DENND1B: variants seen among roughly 807,000 people sequenced by gnomAD.
DENND1B encodes DENN domain containing 1B, also known as DENN domain-containing protein 1B.
A neutral mutation model predicts 90.1 loss-of-function variants in DENND1B; 59 were observed. The ratio of observed to expected loss-of-function variants is 0.65; its 90% CI spans 0.53 to 0.81. DENND1B has a LOEUF of 0.81. Ranked by LOEUF, DENND1B falls within the 40% of genes least tolerant of loss-of-function variation. The pLI is 0.00. For missense variants in DENND1B, 862 were observed against 912.6 expected (o/e 0.94, Z 0.71); for synonymous variants, 337 against 324.6 (o/e 1.04, Z -0.41).
chr1:197,777,632 A>T (rs1259406056), upstream of DENND1B, among the ~76,000 whole-genome samples: 1 of 152,202 alleles, frequency 6.6e-6, no homozygotes, highest in Non-Finnish European at 1.5e-5. Context: ...GAAGTGTACA[A>T]AGGGCAAACC....
chr1:197,584,327 T>C (rs1340401271), intron 14 of DENND1B, among the ~76,000 whole-genome samples: 1 of 152,172 alleles, frequency 6.6e-6, no homozygotes, highest in Non-Finnish European at 1.5e-5. Flanking sequence ...AGAACTGTAC[T>C]GTCACATTCA....
chr1:197,753,798 C>T (rs1372057492), intron 2 of DENND1B, among the ~76,000 whole-genome samples: 2 of 151,838 alleles, frequency 1.3e-5, no homozygotes, highest in Non-Finnish European at 2.9e-5. Context: ...GTCAGGAGTT[C>T]GAGACCAGCC....
chr1:197,605,185 T>C (rs1452635760), intron 13 of DENND1B, among the ~76,000 whole-genome samples: 2 of 151,022 alleles, frequency 1.3e-5, no homozygotes, highest in African/African-American at 2.4e-5. Flanking sequence ...AATAACAAGA[T>C]AGTCTCTTCT....
chr1:197,692,818 G>C (rs965799641), intron 3 of DENND1B, among the ~76,000 whole-genome samples: 1 of 151,632 alleles, frequency 6.6e-6, no homozygotes, highest in Non-Finnish European at 1.5e-5. Context: ...TATAAAAGCA[G>C]TTGTTCTTGG....
intron 2 of DENND1B, among the ~76,000 whole-genome samples, chr1:197,721,912 G>A (rs1488739492): frequency 6.6e-6 from 1 of 152,200 alleles, no homozygotes; most frequent in East Asian, 1.9e-4. Context: ...CATGATTTAA[G>A]GAACAATTAT....
At chr1:197,778,247 T>A (rs901133185), upstream of DENND1B, among the ~76,000 whole-genome samples, 1 of 152,234 alleles carries the variant, frequency 6.6e-6, no homozygotes, top group Non-Finnish European at 1.5e-5. Context: ...TCTCTTTTCA[T>A]CCTTTTACAT....
chr1:197,742,058 T>C (rs552715105), intron 2 of DENND1B, among the ~76,000 whole-genome samples: 60 of 152,290 alleles, frequency 3.9e-4, no homozygotes, highest in East Asian at 2.7e-3. Flanking sequence ...CAAATTTACA[T>C]TACAAGGAGA....
chr1:197,748,449 A>G (rs928146206), intron 2 of DENND1B, among the ~76,000 whole-genome samples: 4 of 152,220 alleles, frequency 2.6e-5, no homozygotes, highest in African/African-American at 9.6e-5. Context: ...ACATAGGAGA[A>G]TTAAGATTGC....
chr1:197,534,895 A>C (rs1439507408), intron 20 of DENND1B, among the ~76,000 whole-genome samples: 1 of 152,164 alleles, frequency 6.6e-6, no homozygotes, highest in Non-Finnish European at 1.5e-5. Flanking sequence ...GGATTTGGTA[A>C]TCATCATGCG....
At chr1:197,732,049 T>C (rs559570641) in intron 2 of DENND1B, among the ~76,000 whole-genome samples, 3 of 152,216 alleles carry the variant, frequency 2.0e-5, no homozygotes, top group Admixed American at 6.5e-5. Flanking sequence ...AATTTGACCA[T>C]AGTGAACAGA....
intron 2 of DENND1B, chr1:197,735,244 G>A: frequency 1.9e-6 from 2 of 1,078,158 alleles, no homozygotes. Context: ...TCTGTAAAAT[G>A]ATTACAGTAC....
At chr1:197,553,657 A>T (rs1257780455) in intron 15 of DENND1B, among the ~76,000 whole-genome samples, 4 of 152,284 alleles carry the variant, frequency 2.6e-5, no homozygotes, top group Non-Finnish European at 4.4e-5. Flanking sequence ...AAAATAAAAC[A>T]CTACTTGTCT....
chr1:197,676,740 G>A (rs1484505774), intron 3 of DENND1B, among the ~76,000 whole-genome samples: 1 of 152,104 alleles, frequency 6.6e-6, no homozygotes, highest in Non-Finnish European at 1.5e-5. Context: ...ACATATTTCT[G>A]TGTATGTCCT....
intron 2 of DENND1B, among the ~76,000 whole-genome samples, chr1:197,749,880 C>T (rs1206309525): frequency 8.5e-5 from 13 of 152,090 alleles, no homozygotes; most frequent in Admixed American, 8.5e-4. Flanking sequence ...CAGGATCTTG[C>T]TCTGTCGCCC....
At chr1:197,678,327 G>A (rs1352450148) in intron 3 of DENND1B, among the ~76,000 whole-genome samples, 1 of 152,012 alleles carries the variant, frequency 6.6e-6, no homozygotes, top group Non-Finnish European at 1.5e-5. Context: ...TATCATATAA[G>A]GACAATTTTA....
intron 3 of DENND1B, chr1:197,689,813 A>T (rs1657659554): frequency 1.3e-5 from 2 of 152,522 alleles, no homozygotes; most frequent in African/African-American, 4.8e-5. Context: ...GAGGTGCAGC[A>T]GTGAACAAGA....
At chr1:197,777,646 A>G (rs1216105012), upstream of DENND1B, among the ~76,000 whole-genome samples, 1 of 152,218 alleles carries the variant, frequency 6.6e-6, no homozygotes, top group Non-Finnish European at 1.5e-5. Flanking sequence ...GCAAACCTTC[A>G]AATTAGTCTT....
intron 2 of DENND1B, among the ~76,000 whole-genome samples, chr1:197,741,895 T>C (rs1663248663): frequency 1.3e-5 from 2 of 152,120 alleles, no homozygotes; most frequent in East Asian, 1.9e-4. Context: ...CTTTATAACT[T>C]TGGAATCTTA....
At chr1:197,529,030 T>C (rs1385130545) in intron 20 of DENND1B, among the ~76,000 whole-genome samples, 1 of 151,704 alleles carries the variant, frequency 6.6e-6, no homozygotes, top group Admixed American at 6.6e-5. Flanking sequence ...GTAAACACTT[T>C]ATTTGGGTAA....
Sources: allele counts gnomAD v4.1 joint callset (sites outside exome capture counted in the v4.1 genomes callset), GRCh38; gene constraint gnomAD v4.1.1; transcripts MANE v1.5; gene names NCBI Gene and HGNC (gene_info 2026-07-23, HGNC 2026-07-21).